The following RBFOX3 variants were observed in gnomAD, a reference collection of about 807,000 sequenced individuals.
RBFOX3 encodes the protein RNA binding fox-1 homolog 3.
A neutral mutation model predicts 48.7 loss-of-function variants in RBFOX3; 17 were observed. That is an observed-to-expected ratio of 0.35 (90% confidence interval 0.24 to 0.52). The LOEUF is 0.52. Ranked by LOEUF, RBFOX3 falls within the 20% of genes least tolerant of loss-of-function variation. The pLI is 0.94. For synonymous variants in RBFOX3, 212 were observed against 209.5 expected (o/e 1.01, Z -0.10); for missense variants, 382 against 497.5 (o/e 0.77, Z 2.21).
chr17:79,092,000 A>C, intron 14 of RBFOX3: 1 of 985,470 alleles, frequency 1.0e-6, no homozygotes, highest in African/African-American at 1.7e-5. Flanking sequence ...TGGGGCGAGG[A>C]GGGGCAGTGG....
intron 2 of RBFOX3, among the ~76,000 whole-genome samples, chr17:79,371,398 C>T (rs1362076001): frequency 6.6e-6 from 1 of 152,228 alleles, no homozygotes; most frequent in Non-Finnish European, 1.5e-5. Context: ...CAGCTGAGTG[C>T]CCATGCTCGC....
the RBFOX3 span, among the ~76,000 whole-genome samples, chr17:79,620,124 T>C: frequency 1.1e-3 from 118 of 111,728 alleles, no homozygotes; most frequent in African/African-American, 4.7e-3. Flanking sequence ...TATGCACACA[T>C]ACACACATGC....
chr17:79,468,040 T>C, intron 2 of RBFOX3, among the ~76,000 whole-genome samples: 1 of 152,108 alleles, frequency 6.6e-6, no homozygotes, highest in East Asian at 1.9e-4. Context: ...TTTGCAGCTT[T>C]ACTGTCCGCA....
rs893075707 is a variant in RBFOX3, at chr17:79,230,551, A to G, written c.-34+5215T>C. ...TGGGATTACAGGGGTGAGCCACGGC[A>G]CCCGGCTCTCCTTATTCTTTACAAT... On this transcript the variant is annotated intron_variant, in intron 4 of 14. Transcript: ENST00000693108. 1.3e-4 allele frequency among the ~76,000 whole-genome samples: 20 copies of G among 152,106 alleles called. 1 individual carries two copies. Among genetic ancestry groups the G allele is most frequent in the African/African-American group, 4.6e-4 (19 of 41,436 alleles).
intron 1 of RBFOX3, among the ~76,000 whole-genome samples, chr17:79,576,728 G>A (rs1430573756): frequency 1.3e-5 from 2 of 152,196 alleles, no homozygotes; most frequent in Admixed American, 1.3e-4. Flanking sequence ...TCATGCAGAA[G>A]ATGGAGATGA....
chr17:79,129,518 G>GAA (rs2038253668), intron 4 of RBFOX3, among the ~76,000 whole-genome samples: 1 of 103,658 alleles, frequency 9.6e-6, no homozygotes, highest in African/African-American at 3.2e-5. Context: ...AGTTGTCCAG[G>GAA]CTTCCTGAGT....
At chr17:79,643,511 T>C in the RBFOX3 span, among the ~76,000 whole-genome samples, 1 of 152,332 alleles carries the variant, frequency 6.6e-6, no homozygotes, top group South Asian at 2.1e-4. Context: ...ACATGACATA[T>C]TCACCAAGAT....
Position 79,477,003 on chromosome 17 carries a change from T to G in RBFOX3, c.-175+5451A>C, listed in dbSNP as rs1019148758. Among the ~76,000 whole-genome samples the G allele has an allele frequency of 2.7e-5, 4 of 148,460 alleles. No homozygotes were observed. Among genetic ancestry groups the G allele is most frequent in the African/African-American group, 1.0e-4 (4 of 39,960 alleles). On this transcript the variant is annotated intron_variant, in intron 2 of 14. Transcript: ENST00000693108. This position sits in a 1 kb window ranked among gnomAD's most constrained non-coding sequence, Gnocchi z 4.8. ...ACCCCAGCACTTTGGGAGGCCTAGG[T>G]GGGTGGATCACTTGAGGTCAGGAGT...
intron 4 of RBFOX3, among the ~76,000 whole-genome samples, chr17:79,160,992 A>C (rs114168199): frequency 0.025 from 3,875 of 152,048 alleles, 196 homozygotes; most frequent in African/African-American, 0.089. Flanking sequence ...AAAAAAAAAA[A>C]AAAAACAAAA....
the RBFOX3 span, among the ~76,000 whole-genome samples, chr17:79,625,322 T>A: frequency 1.3e-5 from 2 of 152,192 alleles, no homozygotes; most frequent in South Asian, 4.1e-4. Flanking sequence ...GATGCGGCCA[T>A]GCCCTTGCCT....
At chr17:79,463,179 C>CCATCGCCACCGCCACCGG (rs2075677341) in intron 2 of RBFOX3, among the ~76,000 whole-genome samples, 1 of 136,878 alleles carries the variant, frequency 7.3e-6, no homozygotes, top group Non-Finnish European at 1.7e-5. Flanking sequence ...ACCTCCACCG[C>CCATCGCCACCGCCACCGG]CATCGCCACT....
chr17:79,375,642 A>C (rs117457131), intron 2 of RBFOX3, among the ~76,000 whole-genome samples: 2 of 152,230 alleles, frequency 1.3e-5, no homozygotes, highest in East Asian at 3.9e-4. Flanking sequence ...AAGTGGCTGC[A>C]GTGATGGAGG....
At chr17:79,234,839 C>A (rs2061456436) in intron 4 of RBFOX3, 1 of 145,500 alleles carries the variant, frequency 6.9e-6, no homozygotes, top group African/African-American at 2.6e-5. Flanking sequence ...TCAAGTGATT[C>A]TCCTGCCTCG....
the RBFOX3 span, among the ~76,000 whole-genome samples, chr17:79,662,271 C>T: frequency 2.0e-5 from 3 of 151,492 alleles, no homozygotes; most frequent in African/African-American, 4.9e-5. Flanking sequence ...TACAGGCGCC[C>T]ACCACCACAC....
rs897669552 is a variant in RBFOX3 at position 79,455,493 on chromosome 17, C to T, written c.-175+26961G>A. Among the ~76,000 whole-genome samples, 3 of 152,136 alleles carry T rather than the reference C, an allele frequency of 2.0e-5. No individual in the cohort carries two copies. In the South Asian group the frequency reaches 6.2e-4, roughly 32 times the overall value. On this transcript the variant is annotated intron_variant, in intron 2 of 14. Coordinates refer to ENST00000693108, the MANE Select transcript of RBFOX3 (RefSeq NM_001350451.2). The stretch of plus-strand genomic sequence containing the variant: ...CAGGACTCCACGGGAGCTGCCACCA[C>T]AGAGCCCCATGGAGATGCCACGGGG...
intron 14 of RBFOX3, chr17:79,092,172 GTT>G (rs2074051791): frequency 1.0e-6 from 1 of 985,378 alleles, no homozygotes; most frequent in South Asian, 4.7e-5. Context: ...CCTGCCAGGC[GTT>G]TCTGTTGTTC....
chr17:79,537,961 A>G (rs1312493753), intron 1 of RBFOX3, among the ~76,000 whole-genome samples: 3 of 152,150 alleles, frequency 2.0e-5, no homozygotes, highest in Admixed American at 1.3e-4. Flanking sequence ...TTCCCCTCAA[A>G]CGTGCACTGG....
intron 2 of RBFOX3, among the ~76,000 whole-genome samples, chr17:79,342,010 C>G (rs977741751): frequency 2.6e-5 from 4 of 152,260 alleles, no homozygotes; most frequent in African/African-American, 9.6e-5. Context: ...TGGCCCCCTC[C>G]CCGGCCCCCT....
At chr17:79,177,519 G>A (rs1341795620) in intron 4 of RBFOX3, among the ~76,000 whole-genome samples, 3 of 152,194 alleles carry the variant, frequency 2.0e-5, no homozygotes, top group African/African-American at 7.2e-5. Context: ...ATGGCCGTCA[G>A]CTTACCCCCC....
Sources: allele counts gnomAD v4.1 joint callset (sites outside exome capture counted in the v4.1 genomes callset), GRCh38; gene constraint gnomAD v4.1.1; non-coding constraint Gnocchi (gnomAD v3.1); transcripts MANE v1.5; gene names NCBI Gene and HGNC (gene_info 2026-07-23, HGNC 2026-07-21).